The following TTI1 variants were observed in gnomAD, a reference collection of about 807,000 sequenced individuals.
TTI1 encodes TELO2 interacting protein 1, also known as TELO2-interacting protein 1 homolog.
Under a neutral mutation model 85.4 loss-of-function variants are expected in TTI1, and 52 were observed. The ratio of observed to expected loss-of-function variants is 0.61; its 90% CI spans 0.49 to 0.77. TTI1 has a LOEUF of 0.77. Among genes scored for constraint, TTI1 ranks in the 30% least tolerant of loss-of-function variants. The probability of loss-of-function intolerance (pLI) is 0.00; values close to 1 mark genes in which losing one functional copy is unlikely to be tolerated. For missense variants in TTI1, 1,173 were observed against 1,296.0 expected (o/e 0.91, Z 1.46); for synonymous variants, 512 against 503.9 (o/e 1.02, Z -0.22).
chr20:38,004,180 G>A (rs1017762698), intron 3 of TTI1, among the ~76,000 whole-genome samples: 9 of 152,174 alleles, frequency 5.9e-5, no homozygotes, highest in Admixed American at 3.3e-4. Flanking sequence ...AGAGTGCTGC[G>A]TTGCATGAGA....
At chr20:38,014,745 C>T (rs1245023781) in intron 1 of TTI1, among the ~76,000 whole-genome samples, 1 of 152,066 alleles carries the variant, frequency 6.6e-6, no homozygotes, top group Non-Finnish European at 1.5e-5. Context: ...AAGCAAAGAA[C>T]AACTCAATAT....
intron 1 of TTI1, among the ~76,000 whole-genome samples, chr20:38,032,026 C>CA (rs1156883255): frequency 6.6e-6 from 1 of 152,188 alleles, no homozygotes. Flanking sequence ...ACTAGATACT[C>CA]ACTGTATGAT....
At chr20:38,024,114 G>A (rs1412761795) in intron 1 of TTI1, among the ~76,000 whole-genome samples, 2 of 152,018 alleles carry the variant, frequency 1.3e-5, no homozygotes, top group Non-Finnish European at 2.9e-5. Context: ...TCTAAAAAAG[G>A]GATTCTTAAC....
rs2073605786 is a variant in TTI1 at position 38,012,223 on chromosome 20, C to G, written c.1594G>C (p.Gly532Arg). 1 of 1,614,106 alleles carries G rather than the reference C, an allele frequency of 6.2e-7. No homozygotes were observed. Among genetic ancestry groups the G allele is most frequent in the Non-Finnish European group, 8.5e-7 (1 of 1,180,048 alleles). Residue 532 changes from glycine (G) to arginine (R), a missense_variant, in exon 2 of 8, where the codon GGG becomes CGG. Gly to Arg is a moderately radical substitution (Grantham distance 125). Coordinates refer to ENST00000373447, the MANE Select transcript of TTI1 (RefSeq NM_001303457.2). ...TCCTCAACCTCCAGCCCAGCAGCCC[C>G]TGTAACCAGTTCATTAAGGATCATG... ...AAMILNELVT[G>R]AAGLEVEDLH... is the part of the protein sequence containing the mutation.
chr20:38,018,558 AAG>A (rs1321129812), intron 1 of TTI1, among the ~76,000 whole-genome samples: 3 of 152,186 alleles, frequency 2.0e-5, no homozygotes, highest in Non-Finnish European at 4.4e-5. Flanking sequence ...AAACAAATGA[AAG>A]AGATCAACCC....
rs182050077 is a variant in TTI1, at chr20:38,012,340, G to A, written c.1477C>T (p.Gln493Ter). ...RIFMLLRQVC[Q>*]LLGYYGNLYL... ...AGATTCCCATAATAACCAAGTAGCT[G>A]ACAAACCTGCCTCAAGAGCATGAAG... is the stretch of plus-strand genomic sequence containing the variant. The change falls in exon 2 of 8, where the codon CAG (glutamine) becomes TAG (stop). Residue 493 changes from glutamine (Q) to a stop codon, truncating the protein, a stop_gained. Transcript: ENST00000373447. LOFTEE classifies it high-confidence loss of function. 1.9e-6 allele frequency: 3 copies of A among 1,614,130 alleles called. No individual in the cohort carries two copies. The highest frequency in any genetic ancestry group is 2.2e-5 in the East Asian group (1 of 44,880).
At chr20:38,006,684 C>T (rs1444309608) in intron 2 of TTI1, among the ~76,000 whole-genome samples, 1 of 152,240 alleles carries the variant, frequency 6.6e-6, no homozygotes, top group African/African-American at 2.4e-5. Context: ...CATCTCAGAA[C>T]ACATAGAACT....
At chr20:38,028,664 T>C (rs2073866300) in intron 1 of TTI1, among the ~76,000 whole-genome samples, 1 of 152,186 alleles carries the variant, frequency 6.6e-6, no homozygotes, top group African/African-American at 2.4e-5. Context: ...CTATGACATT[T>C]ATAGAACACT....
chr20:38,029,344 T>C (rs1396758929), intron 1 of TTI1, among the ~76,000 whole-genome samples: 1 of 152,008 alleles, frequency 6.6e-6, no homozygotes, highest in Non-Finnish European at 1.5e-5. Flanking sequence ...CTAAGTCATA[T>C]ATTAGAAAAG....
In TTI1 at chr20:38,013,255, G is replaced by A; in HGVS notation, c.562C>T (p.Gln188Ter). The A allele has an allele frequency of 1.2e-6, 2 of 1,614,052 alleles. No homozygotes were observed. Among genetic ancestry groups the A allele is most frequent in the Non-Finnish European group, 1.7e-6 (2 of 1,180,040 alleles). The change falls in exon 2 of 8, where the codon CAG becomes TAG. Residue 188 changes from glutamine (Q) to a stop codon, truncating the protein, a stop_gained. Coordinates refer to ENST00000373447, the MANE Select transcript of TTI1 (RefSeq NM_001303457.2). LOFTEE classifies it high-confidence loss of function. Reference protein sequence around the residue: ...LQVLLLQCDCQDHPRSLDELE... With the variant: ...LQVLLLQCDC ...TCATCCAATGACCTTGGATGGTCCT[G>A]ACAATCACACTGCAAGAGTAGAACC...
Position 38,011,603 on chromosome 20 carries a change from A to C in TTI1, c.2214T>G (p.Val738=), listed in dbSNP as rs764946600. The C allele has an allele frequency of 1.9e-6, 3 of 1,614,132 alleles. No individual in the cohort carries two copies. The highest frequency in any genetic ancestry group is 1.3e-5 in the African/African-American group (1 of 74,948). ...GGTCCAGGGTGGCCAAGACATCTTG[A>C]ACCACATCTGCCACCAAAGGAAGCA... ...ANLLPLVADV[V]QDVLATLDQF... Residue 738 remains valine (V), a synonymous_variant, in exon 2 of 8, where the codon GTT becomes GTG. Coordinates refer to ENST00000373447, the MANE Select transcript of TTI1 (RefSeq NM_001303457.2).
At chr20:38,032,748 T>C in intron 1 of TTI1, among the ~76,000 whole-genome samples, 1 of 152,178 alleles carries the variant, frequency 6.6e-6, no homozygotes, top group East Asian at 1.9e-4. Flanking sequence ...ATTTTCGCTG[T>C]TACCCAGGCT....
At chr20:37,988,220 G>A (rs986796517) in intron 7 of TTI1, among the ~76,000 whole-genome samples, 1 of 152,188 alleles carries the variant, frequency 6.6e-6, no homozygotes, top group African/African-American at 2.4e-5. Flanking sequence ...GGCTTCCTGA[G>A]GAGAGGCACG....
At chr20:37,999,541 G>C (rs946311166) in intron 4 of TTI1, among the ~76,000 whole-genome samples, 3 of 152,202 alleles carry the variant, frequency 2.0e-5, no homozygotes, top group African/African-American at 7.2e-5. Context: ...TGGTCAGCTG[G>C]GGAAAGACCT....
At chr20:38,033,204 C>A (rs1345898096) in intron 1 of TTI1, among the ~76,000 whole-genome samples, 200 bp downstream of exon 1, 1 of 152,090 alleles carries the variant, frequency 6.6e-6, no homozygotes, top group Non-Finnish European at 1.5e-5. Flanking sequence ...TTGGAAGAAC[C>A]AAAACTAAGT....
chr20:38,004,006 T>C (rs1020719507), intron 3 of TTI1, among the ~76,000 whole-genome samples: 1 of 152,116 alleles, frequency 6.6e-6, no homozygotes, highest in South Asian at 2.1e-4. Context: ...GGGCATGGAG[T>C]TTGGTTAGAG....
At chr20:38,027,230 T>C (rs1175120951) in intron 1 of TTI1, among the ~76,000 whole-genome samples, 1 of 152,236 alleles carries the variant, frequency 6.6e-6, no homozygotes, top group Non-Finnish European at 1.5e-5. Flanking sequence ...GAAAATAGTG[T>C]AGTATTTGCA....
intron 1 of TTI1, among the ~76,000 whole-genome samples, chr20:38,028,435 G>A (rs2073862752): frequency 6.6e-6 from 1 of 152,194 alleles, no homozygotes; most frequent in Non-Finnish European, 1.5e-5. Context: ...ACCAGAGACA[G>A]AGTACAATGA....
At position 37,996,947 on chromosome 20, in the gene TTI1, G is replaced by T. The variant is rs575066309; in HGVS notation, c.2800C>A (p.Arg934Ser). Reference sequence around the variant, plus strand: ...TCACCACACTTGCTTCCCAGGGTACGTAAAACCTGCAGAAACAGCCTCCAA... The same window carrying T: ...TCACCACACTTGCTTCCCAGGGTACTTAAAACCTGCAGAAACAGCCTCCAA... ...LAVLRAFKVL[R>S]TLGSKCGDFL... The change falls in exon 6 of 8, where the codon CGT (arginine) becomes AGT (serine). Residue 934 changes from arginine to serine, a missense_variant. Transcript: ENST00000373447. 2.9e-5 allele frequency: 47 copies of T among 1,613,196 alleles called. No homozygotes were observed. The highest frequency in any genetic ancestry group is 3.8e-5 in the Non-Finnish European group (45 of 1,179,684).
Sources: gnomAD v4.1 joint callset for allele counts (sites outside exome capture counted in the v4.1 genomes callset) on GRCh38, gnomAD v4.1.1 for gene constraint, MANE v1.5 for transcripts, NCBI Gene and HGNC (gene_info 2026-07-23, HGNC 2026-07-21) for gene names.